Variants in MICU3 observed in about 807,000 individuals in gnomAD.
The protein encoded by MICU3 is mitochondrial calcium uptake 3.
In MICU3, 62 loss-of-function variants were observed where a neutral mutation model predicts 66.5. The observed-to-expected ratio is 0.93, with a 90% confidence interval of 0.76 to 1.15. MICU3 has a LOEUF of 1.15. MICU3 is among the 50% of genes most tolerant of loss of function. The probability of loss-of-function intolerance (pLI) is 0.00; values close to 1 mark genes in which losing one functional copy is unlikely to be tolerated. For synonymous variants in MICU3, 308 were observed against 240.7 expected, an observed-to-expected ratio of 1.28 and a Z score of -2.59; for missense variants, 779 against 664.4, an observed-to-expected ratio of 1.17 and a Z score of -1.90.
At chr8:17,081,764 T>C (rs1821217495) in intron 5 of MICU3, 24 bp downstream of exon 5, 1 of 902,362 alleles carries the variant, frequency 1.1e-6, no homozygotes, top group Non-Finnish European at 1.7e-6. Flanking sequence ...TTGCTTTTAT[T>C]TCTGGATGCA....
At chr8:17,117,567 T>C (rs1802803184) in intron 13 of MICU3, among the ~76,000 whole-genome samples, 1 of 151,804 alleles carries the variant, frequency 6.6e-6, no homozygotes, top group South Asian at 2.1e-4. Context: ...AGCTAGAATA[T>C]TCAATCTTCC....
intron 1 of MICU3, among the ~76,000 whole-genome samples, chr8:17,030,370 G>A (rs1467767093): frequency 6.6e-6 from 1 of 152,228 alleles, no homozygotes; most frequent in African/African-American, 2.4e-5. Context: ...CTGCACGAAA[G>A]GGCTTCTTAT....
chr8:17,089,695 G>GT (rs1185986035), intron 7 of MICU3, among the ~76,000 whole-genome samples: 2 of 151,730 alleles, frequency 1.3e-5, no homozygotes, highest in Non-Finnish European at 2.9e-5. Flanking sequence ...CTGTTCCTCA[G>GT]TTTTTTTTCA....
At chr8:17,069,480 T>G (rs768291985) in intron 2 of MICU3, among the ~76,000 whole-genome samples, 17 of 152,078 alleles carry the variant, frequency 1.1e-4, no homozygotes, top group Non-Finnish European at 7.4e-5. Flanking sequence ...TCACTGATAC[T>G]TACTATGAAC....
rs1200672125 is a variant in MICU3 at position 17,118,793 on chromosome 8, T to A, written c.*18T>A. ...GCAGATAAGTATGTTAGCTTCTATTTGTCTAAATTTGTTCAGTAACAATAG... is the reference window on the plus strand; with the variant it reads ...GCAGATAAGTATGTTAGCTTCTATTAGTCTAAATTTGTTCAGTAACAATAG... On this transcript the variant is annotated intron_variant, in intron 14 of 14. Transcript: ENST00000318063. 2 of 1,539,664 alleles carry A rather than the reference T, an allele frequency of 1.3e-6. No homozygotes were observed. The highest frequency in any genetic ancestry group is 2.7e-5 in the African/African-American group (2 of 73,410).
rs760599266 is a variant in MICU3, at chr8:17,077,805, A to G, written c.590A>G (p.Glu197Gly). 3.7e-6 allele frequency: 6 copies of G among 1,611,806 alleles called. No individual in the cohort carries two copies. The highest frequency in any genetic ancestry group is 3.4e-6 in the Non-Finnish European group (4 of 1,178,600). The change falls in exon 4 of 15, where the codon GAA becomes GGA. Residue 197 changes from glutamate (E) to glycine (G), a missense_variant. Physicochemically the swap from Glu to Gly is moderately conservative, Grantham distance 98. Coordinates refer to ENST00000318063, the MANE Select transcript of MICU3 (RefSeq NM_181723.3). ...SKQELNQMLA[E>G]TPPVWKGSSK... Reference sequence around the variant, plus strand: ...TAGGAATTAAATCAAATGCTCGCAGAAACACCACCAGTTTGGAAAGGCTCA... The same window carrying G: ...TAGGAATTAAATCAAATGCTCGCAGGAACACCACCAGTTTGGAAAGGCTCA...
At chr8:17,041,936 G>A (rs1585193364) in intron 1 of MICU3, among the ~76,000 whole-genome samples, 4 of 152,294 alleles carry the variant, frequency 2.6e-5, no homozygotes, top group Middle Eastern at 6.8e-3. Flanking sequence ...TATGATAGAG[G>A]TTTGGGGGAA....
At chr8:17,054,473 C>G (rs1816582652) in intron 1 of MICU3, among the ~76,000 whole-genome samples, 1 of 152,034 alleles carries the variant, frequency 6.6e-6, no homozygotes, top group Admixed American at 6.5e-5. Context: ...TTGTTACATA[C>G]TTTGAGTATA....
intron 5 of MICU3, 84 bp from the exon 6 acceptor site, chr8:17,085,152 G>T: frequency 2.4e-6 from 2 of 835,274 alleles, no homozygotes; most frequent in South Asian, 3.4e-5. Flanking sequence ...TACAGAATAT[G>T]AGTAACTTTA....
At chr8:17,073,054 C>G (rs951808588) in intron 3 of MICU3, among the ~76,000 whole-genome samples, 1 of 151,778 alleles carries the variant, frequency 6.6e-6, no homozygotes, top group African/African-American at 2.4e-5. Context: ...CCATGCCCAG[C>G]TAATTTTTGC....
chr8:17,102,692 C>G (rs755173308), intron 9 of MICU3: 20 of 151,980 alleles, frequency 1.3e-4, no homozygotes, highest in Non-Finnish European at 1.9e-4. Context: ...CCTCAAGTTT[C>G]ATAAGAAGCT....
intron 2 of MICU3, among the ~76,000 whole-genome samples, chr8:17,069,198 T>C (rs1349662860): frequency 6.6e-6 from 1 of 152,116 alleles, no homozygotes; most frequent in Non-Finnish European, 1.5e-5. Flanking sequence ...TTTCCTTTCT[T>C]TTTTTCTTTC....
intron 2 of MICU3, among the ~76,000 whole-genome samples, chr8:17,067,100 A>T (rs898884993): frequency 1.2e-4 from 18 of 152,234 alleles, no homozygotes; most frequent in African/African-American, 4.3e-4. Context: ...AATTAGGAAC[A>T]ATCACAAAAG....
chr8:17,091,840 A>G (rs1008064936), intron 8 of MICU3, among the ~76,000 whole-genome samples: 6 of 152,054 alleles, frequency 3.9e-5, no homozygotes, highest in Admixed American at 3.9e-4. Context: ...ATAATGCCAT[A>G]TGCCATATAC....
chr8:17,128,173 C>G, the MICU3 span, among the ~76,000 whole-genome samples: 1 of 151,248 alleles, frequency 6.6e-6, no homozygotes, highest in Non-Finnish European at 1.5e-5. Context: ...CTGAATGGGC[C>G]CTCCTCTTCT....
rs1341166473 is a variant in MICU3 at position 17,120,267 on chromosome 8, GTTA to G, written c.*1-15_*1-13del. The G allele has an allele frequency of 3.3e-5, 5 of 151,616 alleles. No homozygotes were observed. Among genetic ancestry groups the G allele is most frequent in the Admixed American group, 6.6e-5 (1 of 15,216 alleles). 9.4% of individuals were successfully genotyped at this position (151,616 alleles called of 1,614,324 possible). On this transcript the variant is annotated intron_variant, in intron 14 of 14. Coordinates refer to ENST00000318063, the MANE Select transcript of MICU3 (RefSeq NM_181723.3). ...TATCCTAAATAAATATTGCTTTTGT[GTTA>G]TTATTTTTTTTAATTAGATACTCCT... is the stretch of plus-strand genomic sequence containing the variant.
chr8:17,089,178 A>G (rs1799787356), intron 7 of MICU3, among the ~76,000 whole-genome samples: 1 of 152,144 alleles, frequency 6.6e-6, no homozygotes, highest in East Asian at 1.9e-4. Flanking sequence ...CGCTTCTAAA[A>G]TCTTACTTTT....
rs754436884 is a variant in MICU3 at position 17,105,487 on chromosome 8, G to A, written c.1160G>A (p.Ser387Asn). The change falls in exon 11 of 15, where the codon AGT (serine) becomes AAT (asparagine). Residue 387 changes from serine to asparagine, a missense_variant. Physicochemically the swap from Ser to Asn is conservative, Grantham distance 46. Coordinates refer to ENST00000318063, the MANE Select transcript of MICU3 (RefSeq NM_181723.3). ...TACTCAAATGGAATGAATACCATCA[G>A]TGAAGAAGATTTTGCTCATATTCTT... ...LSYSNGMNTI[S>N]EEDFAHILLR... 1.3e-6 allele frequency: 2 copies of A among 1,573,052 alleles called. No homozygotes were observed.
intron 12 of MICU3, among the ~76,000 whole-genome samples, chr8:17,115,920 C>T (rs1209217634): frequency 6.6e-6 from 1 of 152,154 alleles, no homozygotes; most frequent in Non-Finnish European, 1.5e-5. Context: ...TCTGCCATTT[C>T]TGTCATCTCT....
Sources: gnomAD v4.1 joint callset for allele counts (sites outside exome capture counted in the v4.1 genomes callset) on GRCh38, gnomAD v4.1.1 for gene constraint, MANE v1.5 for transcripts, NCBI Gene and HGNC (gene_info 2026-07-23, HGNC 2026-07-21) for gene names.